STPG2: variants seen among roughly 807,000 people sequenced by gnomAD.
STPG2 encodes sperm-tail PG-rich repeat-containing protein 2.
STPG2 carries 56 observed loss-of-function variants against 54.2 expected under a neutral mutation model. The ratio of observed to expected loss-of-function variants is 1.03; its 90% CI spans 0.83 to 1.29. The LOEUF (loss-of-function observed/expected upper bound fraction) is 1.29, where lower values mean the gene tolerates loss of function less well. STPG2 is among the 50% of genes most tolerant of loss of function. The pLI is 0.00. For missense variants in STPG2, 596 were observed against 544.9 expected, an observed-to-expected ratio of 1.09 and a Z score of -0.93; for synonymous variants, 200 against 181.8, an observed-to-expected ratio of 1.10 and a Z score of -0.81.
At chr4:97,646,837 G>T (rs1337998897) in intron 10 of STPG2, among the ~76,000 whole-genome samples, 4 of 152,054 alleles carry the variant, frequency 2.6e-5, no homozygotes, top group Non-Finnish European at 4.4e-5. Flanking sequence ...TAATGCCTCT[G>T]TCTAGTCTAT....
intron 4 of STPG2, among the ~76,000 whole-genome samples, chr4:97,551,232 C>T (rs1472849882): frequency 2.0e-5 from 3 of 152,098 alleles, no homozygotes; most frequent in Non-Finnish European, 4.4e-5. Context: ...CAAGTCCCCA[C>T]CTGACCCAGG....
intron 4 of STPG2, among the ~76,000 whole-genome samples, chr4:97,456,678 G>A (rs1457956136): frequency 3.3e-5 from 5 of 151,840 alleles, no homozygotes; most frequent in African/African-American, 9.7e-5. Flanking sequence ...GGTGGATCAC[G>A]GGGTCAGGAG....
intron 4 of STPG2, among the ~76,000 whole-genome samples, chr4:97,542,946 G>A (rs954912720): frequency 6.6e-6 from 1 of 152,008 alleles, no homozygotes; most frequent in African/African-American, 2.4e-5. Flanking sequence ...GACACAGGAA[G>A]GGGAACATCA....
chr4:97,942,685 T>C (rs1469913126), intron 8 of STPG2, among the ~76,000 whole-genome samples: 1 of 152,146 alleles, frequency 6.6e-6, no homozygotes, highest in East Asian at 1.9e-4. Context: ...GCATTTGTCA[T>C]TCCCTTAAAT....
intron 10 of STPG2, among the ~76,000 whole-genome samples, chr4:97,702,826 C>CT (rs1034634292): frequency 2.6e-5 from 4 of 152,114 alleles, no homozygotes; most frequent in Non-Finnish European, 5.9e-5. Flanking sequence ...TAGTAGACAC[C>CT]TGGTGAGGCT....
intron 5 of STPG2, among the ~76,000 whole-genome samples, chr4:98,014,911 C>T (rs540415962): frequency 6.6e-6 from 1 of 152,120 alleles, no homozygotes; most frequent in African/African-American, 2.4e-5. Flanking sequence ...TTTCTTTCAG[C>T]ATTTAAAATA....
At chr4:97,722,964 ATT>A (rs3974903) in intron 9 of STPG2, among the ~76,000 whole-genome samples, 47,375 of 116,012 alleles carry the variant, frequency 0.41, 7,535 homozygotes, top group Admixed American at 0.48. Flanking sequence ...CACCCGGCTA[ATT>A]TTTTTTTTTT....
chr4:97,888,145 A>G (rs1730647208), intron 8 of STPG2, among the ~76,000 whole-genome samples: 1 of 152,192 alleles, frequency 6.6e-6, no homozygotes, highest in South Asian at 2.1e-4. Flanking sequence ...GGGAACCCCT[A>G]CTAGGGCAGT....
intron 9 of STPG2, among the ~76,000 whole-genome samples, chr4:97,764,873 T>A (rs1336931936): frequency 6.6e-6 from 1 of 152,138 alleles, no homozygotes; most frequent in African/African-American, 2.4e-5. Context: ...ACTTTCTTTT[T>A]CTTTGCATCC....
chr4:97,780,691 T>C (rs1469300732), intron 9 of STPG2, among the ~76,000 whole-genome samples: 5 of 148,016 alleles, frequency 3.4e-5, no homozygotes, highest in East Asian at 4.0e-4. Context: ...GTAAAGCACT[T>C]CTCAGCAAAT....
At chr4:98,099,818 A>G (rs1738973484) in intron 5 of STPG2, among the ~76,000 whole-genome samples, 1 of 152,180 alleles carries the variant, frequency 6.6e-6, no homozygotes, top group Non-Finnish European at 1.5e-5. Context: ...GTTTTTAAAT[A>G]CCTAGTATTT....
At chr4:97,631,727 G>T (rs1721286984) in intron 10 of STPG2, among the ~76,000 whole-genome samples, 1 of 152,038 alleles carries the variant, frequency 6.6e-6, no homozygotes, top group Admixed American at 6.5e-5. Context: ...ATGTCACCTG[G>T]TCTAGCAAGA....
intron 3 of STPG2, among the ~76,000 whole-genome samples, chr4:98,119,165 ATTCAC>A (rs1739602270): frequency 1.3e-5 from 2 of 152,122 alleles, no homozygotes. Context: ...CTCAAAAAAT[ATTCAC>A]TTTACATGAG....
intron 5 of STPG2, among the ~76,000 whole-genome samples, chr4:97,990,492 T>C (rs1734967264): frequency 1.3e-5 from 2 of 152,144 alleles, no homozygotes; most frequent in South Asian, 4.1e-4. Flanking sequence ...CCTGCATTAA[T>C]ATCAACCTAT....
At chr4:97,687,643 T>C (rs1048840106) in intron 10 of STPG2, among the ~76,000 whole-genome samples, 3 of 152,210 alleles carry the variant, frequency 2.0e-5, no homozygotes, top group Admixed American at 1.3e-4. Context: ...CCCAGCTCCA[T>C]GCATTGAATC....
chr4:97,504,827 A>C (rs1429706962), intron 4 of STPG2, among the ~76,000 whole-genome samples: 1 of 152,002 alleles, frequency 6.6e-6, no homozygotes, highest in Non-Finnish European at 1.5e-5. Context: ...TCAAAAGAAA[A>C]ACCTACTATG....
chr4:97,930,020 C>G (rs986567751), intron 8 of STPG2, among the ~76,000 whole-genome samples: 1 of 152,148 alleles, frequency 6.6e-6, no homozygotes, highest in Non-Finnish European at 1.5e-5. Flanking sequence ...CCACCTCAGC[C>G]TCCCGATACC....
chr4:98,068,875 C>A (rs1167677884), intron 5 of STPG2, among the ~76,000 whole-genome samples: 1 of 151,940 alleles, frequency 6.6e-6, no homozygotes, highest in Non-Finnish European at 1.5e-5. Flanking sequence ...GCAATTGTAA[C>A]ACAATAGTAT....
Position 98,105,973 on chromosome 4 carries a change from C to T in STPG2, c.592G>A (p.Val198Ile). The T allele has an allele frequency of 1.3e-6, 2 of 1,569,316 alleles. No individual in the cohort carries two copies. The highest frequency in any genetic ancestry group is 1.7e-6 in the Non-Finnish European group (2 of 1,146,686). Residue 198 changes from valine (V) to isoleucine (I), a missense_variant, in exon 5 of 11, where the codon GTA becomes ATA. Val to Ile is a conservative substitution (Grantham distance 29). Transcript: ENST00000295268. ...CTTACCTTTTTTTTCTCCTGCAATA[C>T]TATTATTTCATATAGTCGTGGGATA... is the stretch of plus-strand genomic sequence containing the variant. ...SFIPRLYEII[V>I]LQEKKKRFLP...
Sources: gnomAD v4.1 joint callset for allele counts (sites outside exome capture counted in the v4.1 genomes callset) on GRCh38, gnomAD v4.1.1 for gene constraint, MANE v1.5 for transcripts, NCBI Gene and HGNC (gene_info 2026-07-23, HGNC 2026-07-21) for gene names.